The following PAK3 variants were observed in gnomAD, a reference collection of about 807,000 sequenced individuals.
PAK3 encodes serine/threonine-protein kinase PAK 3.
A neutral mutation model predicts 41.0 loss-of-function variants in PAK3; 4 were observed. That is an observed-to-expected ratio of 0.10 (90% CI 0.05 to 0.22). PAK3 has a LOEUF of 0.22. Among genes scored for constraint, PAK3 ranks in the 10% least tolerant of loss-of-function variants. The pLI is 1.00. For missense variants in PAK3, 205 were observed against 409.9 expected (o/e 0.50, Z 4.32); for synonymous variants, 146 against 139.6 (o/e 1.05, Z -0.32).
intron 1 of PAK3, among the ~76,000 whole-genome samples, chrX:111,055,349 A>G (rs1603033302): frequency 1.8e-5 from 2 of 112,089 alleles, no homozygotes; most frequent in East Asian, 5.6e-4. Flanking sequence ...CAAGGAAATG[A>G]CTGACAAGAC....
intron 1 of PAK3, among the ~76,000 whole-genome samples, chrX:111,063,008 C>T: frequency 9.0e-6 from 1 of 111,226 alleles, no homozygotes; most frequent in Non-Finnish European, 1.9e-5. Context: ...AAAAAAAACT[C>T]TTACTTCCTA....
At chrX:111,055,122 T>C (rs1473269018) in intron 1 of PAK3, among the ~76,000 whole-genome samples, 1 of 111,923 alleles carries the variant, frequency 8.9e-6, no homozygotes, top group African/African-American at 3.2e-5. Flanking sequence ...TACCATTCCC[T>C]ATATTTACAT....
At chrX:111,064,950 G>T (rs1266300682) in intron 1 of PAK3, among the ~76,000 whole-genome samples, 4 of 112,340 alleles carry the variant, frequency 3.6e-5, no homozygotes, top group Admixed American at 9.4e-5. Flanking sequence ...TTTTGGTGGA[G>T]TCTTTAAGGT....
chrX:111,126,971 A>G (rs2093656670), intron 5 of PAK3, among the ~76,000 whole-genome samples: 1 of 111,520 alleles, frequency 9.0e-6, no homozygotes, highest in Non-Finnish European at 1.9e-5. Flanking sequence ...CTTGGAAAAT[A>G]AAGATAAGCA....
chrX:111,176,701 A>G (rs1336402902), intron 11 of PAK3, among the ~76,000 whole-genome samples: 1 of 109,710 alleles, frequency 9.1e-6, no homozygotes, highest in Non-Finnish European at 1.9e-5. Context: ...TTCTCTGGGT[A>G]TTTGTGTGTG....
intron 4 of PAK3, among the ~76,000 whole-genome samples, chrX:111,108,544 G>A (rs906348698): frequency 3.6e-5 from 4 of 112,380 alleles, no homozygotes; most frequent in African/African-American, 9.7e-5. Flanking sequence ...TTATGGGAGC[G>A]TGAGCCCTAT....
chrX:111,163,690 A>T lies in PAK3; in HGVS notation c.729A>T (p.Lys243Asn). 8.3e-7 allele frequency: 1 copy of T among 1,205,876 alleles called. No individual in the cohort carries two copies. Among genetic ancestry groups the T allele is most frequent in the Non-Finnish European group, 1.1e-6 (1 of 890,243 alleles). Residue 243 changes from lysine to asparagine, a missense_variant, in exon 10 of 18, where the codon AAA becomes AAT. Lys to Asn is a moderately conservative substitution (Grantham distance 94). Transcript: ENST00000372007. ...GGAACACAGATCGGCAAAGAAAAAA[A>T]TCCAAGATGACAGATGAGGAGATCT... is the stretch of plus-strand genomic sequence containing the variant. ...LYRNTDRQRKKSKMTDEEILE... is the reference protein window; with the variant it reads ...LYRNTDRQRKNSKMTDEEILE...
chrX:110,948,963 G>A (rs1294242633), intron 1 of PAK3, among the ~76,000 whole-genome samples: 1 of 112,228 alleles, frequency 8.9e-6, no homozygotes, highest in African/African-American at 3.2e-5. Flanking sequence ...GCCTATGGAA[G>A]TTTCTCTGTT....
intron 1 of PAK3, among the ~76,000 whole-genome samples, chrX:111,017,955 A>G (rs1316934782): frequency 8.9e-6 from 1 of 111,884 alleles, no homozygotes; most frequent in African/African-American, 3.2e-5. Flanking sequence ...AATATTATAC[A>G]CCACATTAAC....
intron 6 of PAK3, chrX:111,145,039 G>T: frequency 2.2e-6 from 1 of 451,900 alleles, no homozygotes; most frequent in Non-Finnish European, 4.0e-6. Flanking sequence ...ACTTCTAGTT[G>T]GTATCCTATA....
At chrX:111,173,231 G>C (rs1401456339) in intron 11 of PAK3, 150 bp downstream of exon 11, 1 of 444,387 alleles carries the variant, frequency 2.3e-6, no homozygotes, top group Admixed American at 3.5e-5. Flanking sequence ...TGGCCTTTCA[G>C]GGGGAGTGCT....
At chrX:111,077,504 A>G (rs2092796124) in intron 1 of PAK3, among the ~76,000 whole-genome samples, 1 of 111,741 alleles carries the variant, frequency 8.9e-6, no homozygotes, top group African/African-American at 3.3e-5. Context: ...CAATAGACCC[A>G]CACATTTAAG....
chrX:111,089,085 T>C (rs950590767), intron 1 of PAK3, among the ~76,000 whole-genome samples: 1 of 112,289 alleles, frequency 8.9e-6, no homozygotes, highest in East Asian at 2.8e-4. Context: ...AAAATGTATG[T>C]AAAAACCAGG....
intron 1 of PAK3, among the ~76,000 whole-genome samples, chrX:111,042,216 C>T (rs1419691897): frequency 8.9e-6 from 1 of 111,771 alleles, no homozygotes; most frequent in Non-Finnish European, 1.9e-5. Flanking sequence ...TCCATTGCCA[C>T]TTCCACTCAT....
At chrX:110,980,840 G>A (rs1186511222) in intron 1 of PAK3, among the ~76,000 whole-genome samples, 1 of 112,273 alleles carries the variant, frequency 8.9e-6, no homozygotes, top group African/African-American at 3.2e-5. Flanking sequence ...TTTCTTCTGG[G>A]TGTGGGGCAT....
At chrX:111,106,844 T>C (rs1453872381) in intron 4 of PAK3, among the ~76,000 whole-genome samples, 2 of 111,892 alleles carry the variant, frequency 1.8e-5, no homozygotes, top group African/African-American at 3.2e-5. Flanking sequence ...CAATGAGAAA[T>C]AGATCCTTTC....
intron 1 of PAK3, among the ~76,000 whole-genome samples, chrX:111,076,740 G>C (rs1443920571): frequency 2.7e-5 from 3 of 112,149 alleles, no homozygotes; most frequent in Non-Finnish European, 3.8e-5. Context: ...AAAGTTGAAA[G>C]CTCTTTGTTT....
chrX:111,176,213 T>C (rs2094402148), intron 11 of PAK3, among the ~76,000 whole-genome samples: 2 of 111,031 alleles, frequency 1.8e-5, no homozygotes, highest in Non-Finnish European at 3.8e-5. Context: ...TTTGCCTCAA[T>C]AAATATTTGT....
intron 1 of PAK3, among the ~76,000 whole-genome samples, chrX:111,053,990 G>C (rs770493953): frequency 2.7e-5 from 3 of 112,262 alleles, no homozygotes; most frequent in South Asian, 7.5e-4. Context: ...ACACAATCTG[G>C]ATACTGGCCT....
Sources: gnomAD v4.1 joint callset for allele counts (sites outside exome capture counted in the v4.1 genomes callset) on GRCh38, gnomAD v4.1.1 for gene constraint, MANE v1.5 for transcripts, NCBI Gene and HGNC (gene_info 2026-07-23, HGNC 2026-07-21) for gene names.